MICOS10: variants seen among roughly 807,000 people sequenced by gnomAD.
MICOS10 encodes MICOS complex subunit MIC10.
Under a neutral mutation model 13.4 loss-of-function variants are expected in MICOS10, and 5 were observed. The observed-to-expected ratio is 0.37, with a 90% CI of 0.20 to 0.78. The LOEUF is 0.78. Ranked by LOEUF, MICOS10 falls within the 30% of genes least tolerant of loss-of-function variation. The probability of loss-of-function intolerance (pLI) is 0.47; values close to 1 mark genes in which losing one functional copy is unlikely to be tolerated. For missense variants in MICOS10, 101 were observed against 94.6 expected (o/e 1.07, Z -0.28); for synonymous variants, 35 against 33.6 (o/e 1.04, Z -0.15).
rs1162055828 is a variant in MICOS10, at chr1:19,602,446, G to A, written c.64+5337G>A. Among the ~76,000 whole-genome samples, 4 of 152,274 alleles carry A rather than the reference G, an allele frequency of 2.6e-5. No individual in the cohort carries two copies. In the South Asian group the frequency reaches 8.3e-4, roughly 32 times the overall value. Reference sequence around the variant, plus strand: ...GTCAGTAGATCTTAATAATAAAGTAGTATTAAAAATGTTTGGGAATAGTCA... The same window carrying A: ...GTCAGTAGATCTTAATAATAAAGTAATATTAAAAATGTTTGGGAATAGTCA... On this transcript the variant is annotated intron_variant, in intron 1 of 3. Coordinates refer to ENST00000322753, the MANE Select transcript of MICOS10 (RefSeq NM_001032363.4).
intron 1 of MICOS10, among the ~76,000 whole-genome samples, chr1:19,617,958 G>A (rs2094890399): frequency 6.6e-6 from 1 of 151,900 alleles, no homozygotes; most frequent in African/African-American, 2.4e-5. Context: ...AGCCCGATGT[G>A]TCATATAAAC....
At chr1:19,623,286 C>T (rs1330289257) in intron 2 of MICOS10, among the ~76,000 whole-genome samples, 188 bp from the exon 3 acceptor site, 1 of 152,196 alleles carries the variant, frequency 6.6e-6, no homozygotes, top group Non-Finnish European at 1.5e-5. Context: ...AAATTAATAA[C>T]TTCACTAATT....
At chr1:19,601,325 T>C (rs2094814035) in intron 1 of MICOS10, 1 of 249,850 alleles carries the variant, frequency 4.0e-6, no homozygotes. Context: ...ATGCCTATAA[T>C]CCCAGCACTT....
chr1:19,611,814 A>G (rs2094863106), intron 1 of MICOS10, among the ~76,000 whole-genome samples: 1 of 151,534 alleles, frequency 6.6e-6, no homozygotes, highest in South Asian at 2.1e-4. Flanking sequence ...TCTACTAAAA[A>G]TACAAAAATT....
intron 1 of MICOS10, among the ~76,000 whole-genome samples, chr1:19,612,969 A>G (rs1451417681): frequency 6.6e-6 from 1 of 152,108 alleles, no homozygotes; most frequent in Non-Finnish European, 1.5e-5. Flanking sequence ...TCCCTGACCT[A>G]TGAATTGTCG....
At chr1:19,607,054 C>T in intron 1 of MICOS10, among the ~76,000 whole-genome samples, 1 of 152,358 alleles carries the variant, frequency 6.6e-6, no homozygotes, top group South Asian at 2.1e-4. Context: ...TGATACCTCT[C>T]TATTTCATGG....
At chr1:19,603,242 A>T (rs1446171647) in intron 1 of MICOS10, among the ~76,000 whole-genome samples, 5 of 152,192 alleles carry the variant, frequency 3.3e-5, no homozygotes, top group African/African-American at 1.2e-4. Flanking sequence ...AGGCAGGAGA[A>T]TAGCTTGAAC....
At chr1:19,610,398 G>T (rs1283106371) in intron 1 of MICOS10, among the ~76,000 whole-genome samples, 1 of 37,116 alleles carries the variant, frequency 2.7e-5, no homozygotes, top group African/African-American at 7.0e-5. Context: ...TTTTTTTTTT[G>T]GAGACAAGGC....
At chr1:19,609,807 T>C (rs1032892475) in intron 1 of MICOS10, among the ~76,000 whole-genome samples, 2 of 151,968 alleles carry the variant, frequency 1.3e-5, no homozygotes, top group African/African-American at 4.8e-5. Context: ...TCTAATGAAG[T>C]TGAAGGAAAG....
chr1:19,604,970 T>C (rs1284480888), intron 1 of MICOS10, among the ~76,000 whole-genome samples: 2 of 152,222 alleles, frequency 1.3e-5, no homozygotes, highest in Non-Finnish European at 2.9e-5. Flanking sequence ...ATTGAGCACT[T>C]AACCGCATGC....
At chr1:19,619,008 T>A (rs1387485553) in intron 1 of MICOS10, among the ~76,000 whole-genome samples, 1 of 152,212 alleles carries the variant, frequency 6.6e-6, no homozygotes, top group Non-Finnish European at 1.5e-5. Flanking sequence ...TTGTTGAAAA[T>A]GTTACATGTA....
intron 1 of MICOS10, chr1:19,601,301 A>C (rs1434936152): frequency 3.4e-6 from 1 of 290,046 alleles, no homozygotes; most frequent in African/African-American, 2.2e-5. Flanking sequence ...GTTCTAGGCC[A>C]GGCACAGTGG....
At chr1:19,608,116 G>T in intron 1 of MICOS10, 1 of 1,069,594 alleles carries the variant, frequency 9.3e-7, no homozygotes, top group Non-Finnish European at 1.5e-6. Context: ...GTGCAGAAAT[G>T]GCACCTGGAA....
At chr1:19,622,474 A>AT (rs535370722) in intron 2 of MICOS10, among the ~76,000 whole-genome samples, 213 of 152,288 alleles carry the variant, frequency 1.4e-3, no homozygotes, top group South Asian at 1.9e-3. Flanking sequence ...ATTAATTGTG[A>AT]TTTTTTCTAG....
At chr1:19,611,608 A>T (rs2094862008) in intron 1 of MICOS10, among the ~76,000 whole-genome samples, 1 of 151,252 alleles carries the variant, frequency 6.6e-6, no homozygotes, top group South Asian at 2.1e-4. Context: ...AAAGTGCTGG[A>T]ATTACAGGTG....
chr1:19,623,666 A>C, intron 3 of MICOS10, 83 bp downstream of exon 3: 1 of 954,686 alleles, frequency 1.0e-6, no homozygotes, highest in Admixed American at 2.0e-5. Context: ...GACTGTTTGT[A>C]ATGAGTAAAC....
intron 1 of MICOS10, among the ~76,000 whole-genome samples, chr1:19,600,380 C>T (rs999627472): frequency 1.3e-5 from 2 of 152,092 alleles, no homozygotes; most frequent in Non-Finnish European, 2.9e-5. Context: ...TGAAGGTGTA[C>T]GCTCTTCTAT....
chr1:19,613,037 T>G (rs1157369090), intron 1 of MICOS10, among the ~76,000 whole-genome samples: 1 of 152,204 alleles, frequency 6.6e-6, no homozygotes, highest in Non-Finnish European at 1.5e-5. Flanking sequence ...AACCCTTGCC[T>G]TTGCCTGTAC....
At chr1:19,617,697 A>C (rs999256938) in intron 1 of MICOS10, among the ~76,000 whole-genome samples, 1 of 152,216 alleles carries the variant, frequency 6.6e-6, no homozygotes, top group Non-Finnish European at 1.5e-5. Flanking sequence ...CTGTCATAAC[A>C]CATGCATTTG....
Sources: allele counts gnomAD v4.1 joint callset (sites outside exome capture counted in the v4.1 genomes callset), GRCh38; gene constraint gnomAD v4.1.1; transcripts MANE v1.5; gene names NCBI Gene and HGNC (gene_info 2026-07-23, HGNC 2026-07-21).